Variants in ZNF608 observed in about 807,000 individuals in gnomAD.
ZNF608 encodes the protein zinc finger protein 608.
In ZNF608, 12 loss-of-function variants were observed where a neutral mutation model predicts 109.0. The observed-to-expected ratio is 0.11, with a 90% CI of 0.07 to 0.18. ZNF608 has a LOEUF of 0.18. Ranked by LOEUF, ZNF608 falls within the 10% of genes least tolerant of loss-of-function variation. ZNF608 has a pLI of 1.00. For synonymous variants in ZNF608, 732 were observed against 717.4 expected (o/e 1.02, Z -0.33); for missense variants, 1,707 against 1,879.3 (o/e 0.91, Z 1.70).
intron 2 of ZNF608, among the ~76,000 whole-genome samples, chr5:124,702,723 A>G (rs1477213666): frequency 1.3e-5 from 2 of 152,198 alleles, no homozygotes; most frequent in Non-Finnish European, 2.9e-5. Context: ...ACCCATCTGC[A>G]TGTTAAAAAA....
At chr5:124,721,975 ACTCAAAGCC>A (rs1554091852) in intron 2 of ZNF608, among the ~76,000 whole-genome samples, 1 of 142,148 alleles carries the variant, frequency 7.0e-6, no homozygotes. Flanking sequence ...AAAAAAAAGA[ACTCAAAGCC>A]AAATCATCAA....
At chr5:124,642,986 C>A (rs1021686976) in intron 7 of ZNF608, among the ~76,000 whole-genome samples, 3 of 152,084 alleles carry the variant, frequency 2.0e-5, no homozygotes, top group African/African-American at 7.2e-5. Flanking sequence ...CAGTGGCTCA[C>A]TCCCGGCCCA....
At chr5:124,682,375 C>G (rs1752234093) in intron 3 of ZNF608, among the ~76,000 whole-genome samples, 2 of 152,170 alleles carry the variant, frequency 1.3e-5, no homozygotes, top group African/African-American at 2.4e-5. Flanking sequence ...GCCCGGCCTA[C>G]CATGAATCCT....
chr5:124,675,697 T>G (rs1035071228), intron 3 of ZNF608, among the ~76,000 whole-genome samples: 3 of 152,188 alleles, frequency 2.0e-5, no homozygotes, highest in African/African-American at 7.2e-5. Flanking sequence ...AGAAATACCC[T>G]TAATCTATCT....
chr5:124,659,283 C>T (rs1366331483), intron 3 of ZNF608, among the ~76,000 whole-genome samples: 1 of 152,036 alleles, frequency 6.6e-6, no homozygotes, highest in Non-Finnish European at 1.5e-5. Context: ...GCAAAAACTC[C>T]CCCTCCATGC....
At chr5:124,747,052 A>G (rs1319768641), upstream of ZNF608, among the ~76,000 whole-genome samples, 1 of 152,100 alleles carries the variant, frequency 6.6e-6, no homozygotes, top group Non-Finnish European at 1.5e-5. Context: ...TGTTGTTTTA[A>G]GAAAAAGGAA....
In ZNF608 at chr5:124,644,665, AT is replaced by A. The variant is rs764365928; in HGVS notation, c.3706-5del. The A allele has an allele frequency of 2.0e-6, 3 of 1,530,526 alleles. No individual in the cohort carries two copies. The highest frequency in any genetic ancestry group is 2.2e-5 in the Admixed American group (1 of 44,764). 94.8% of individuals were successfully genotyped at this position (1,530,526 alleles called of 1,614,324 possible). On this transcript the variant is annotated splice_region_variant and splice_polypyrimidine_tract_variant and intron_variant, in intron 5 of 9. Coordinates refer to ENST00000513986, the MANE Select transcript of ZNF608 (RefSeq NM_020747.3). ...GCCATGTTCTTGAATCTGGGTCCTGATTTTTTTGTTTTAAAGAAAAAAAACC... is the reference window on the plus strand; with the variant it reads ...GCCATGTTCTTGAATCTGGGTCCTGATTTTTTGTTTTAAAGAAAAAAAACC...
intron 2 of ZNF608, chr5:124,707,723 A>G (rs1753317652): frequency 6.6e-6 from 1 of 152,138 alleles, no homozygotes; most frequent in African/African-American, 2.4e-5. Flanking sequence ...TTGCATTTTA[A>G]CCACCCTTTT....
At chr5:124,714,747 A>G (rs910298640) in intron 2 of ZNF608, among the ~76,000 whole-genome samples, 1 of 152,234 alleles carries the variant, frequency 6.6e-6, no homozygotes, top group African/African-American at 2.4e-5. Context: ...AATCTCAGTA[A>G]CACATGTTCA....
intron 2 of ZNF608, among the ~76,000 whole-genome samples, chr5:124,728,240 T>C (rs1298764831): frequency 6.6e-6 from 1 of 152,168 alleles, no homozygotes; most frequent in African/African-American, 2.4e-5. Context: ...TGAGGTGCTA[T>C]CTTAAAATCA....
intron 3 of ZNF608, among the ~76,000 whole-genome samples, chr5:124,685,899 G>C (rs1421866777): frequency 1.3e-5 from 2 of 152,200 alleles, no homozygotes; most frequent in Admixed American, 6.5e-5. Flanking sequence ...AGAAAATATA[G>C]ATGGTGATGC....
intron 2 of ZNF608, among the ~76,000 whole-genome samples, chr5:124,733,788 CA>C (rs1189871299): frequency 3.3e-5 from 5 of 152,060 alleles, no homozygotes. Flanking sequence ...GGAAGCAATA[CA>C]AAGAGCACTC....
At chr5:124,717,299 C>G (rs1254193873) in intron 2 of ZNF608, among the ~76,000 whole-genome samples, 1 of 151,666 alleles carries the variant, frequency 6.6e-6, no homozygotes, top group South Asian at 2.1e-4. Context: ...AACCCTGTCT[C>G]TACTAAAAAT....
At position 124,637,193 on chromosome 5, in the gene ZNF608, A is replaced by C. The variant is rs1345590625; in HGVS notation, c.*707T>G. ...TTATTTGCCATTCAAGATTATCAAA[A>C]AATGACACCTCATTATTCACAGATG... On this transcript the variant is annotated 3_prime_UTR_variant, in exon 10 of 10. Coordinates refer to ENST00000513986, the MANE Select transcript of ZNF608 (RefSeq NM_020747.3). 1 of 152,636 alleles carries C rather than the reference A, an allele frequency of 6.6e-6. No individual in the cohort carries two copies. The highest frequency in any genetic ancestry group is 2.4e-5 in the African/African-American group (1 of 41,454). The allele number at this position is 152,636 out of a possible 1,614,324, so 9.5% of individuals were successfully genotyped here.
Position 124,648,085 on chromosome 5 carries a change from C to T in ZNF608, c.2299G>A (p.Gly767Arg), listed in dbSNP as rs138191554. 1,354 of 1,449,554 alleles carry T rather than the reference C, an allele frequency of 9.3e-4. 3 individuals carry two copies. Among genetic ancestry groups the T allele is most frequent in the South Asian group, 1.5e-3 (132 of 88,930 alleles). The allele number at this position is 1,449,554 out of a possible 1,614,324, so 89.8% of individuals were successfully genotyped here. ...ACAGTTGTTGTGAGGGAGGGCAGTC[C>T]GGGTATTGTCCCAGTGGTGGTCGTT... Reference protein sequence around the residue: ...FTTTTTGTIPGLPSLTTTVVQ... With the variant: ...FTTTTTGTIPRLPSLTTTVVQ... Residue 767 changes from glycine (G) to arginine (R), a missense_variant, in exon 5 of 10, where the codon GGA becomes AGA. By Grantham distance (125) the Gly-to-Arg change is moderately radical. Coordinates refer to ENST00000513986, the MANE Select transcript of ZNF608 (RefSeq NM_020747.3).
intron 3 of ZNF608, among the ~76,000 whole-genome samples, chr5:124,677,981 A>G (rs181293340): frequency 6.6e-6 from 1 of 152,234 alleles, no homozygotes; most frequent in East Asian, 1.9e-4. Context: ...ATTAGCCCCA[A>G]TATATGGTAA....
At chr5:124,663,931 G>A (rs1448242596) in intron 3 of ZNF608, among the ~76,000 whole-genome samples, 1 of 152,134 alleles carries the variant, frequency 6.6e-6, no homozygotes, top group Non-Finnish European at 1.5e-5. Flanking sequence ...ATTAGATCAA[G>A]GAAACCTAAA....
chr5:124,699,056 G>C (rs1309383016), intron 3 of ZNF608, among the ~76,000 whole-genome samples: 1 of 152,232 alleles, frequency 6.6e-6, no homozygotes, highest in Non-Finnish European at 1.5e-5. Context: ...AATTATCCAA[G>C]TACAAAAAAA....
At chr5:124,745,334 C>G in intron 1 of ZNF608, 162 bp from the exon 2 acceptor site, 1 of 406,840 alleles carries the variant, frequency 2.5e-6, no homozygotes, top group Non-Finnish European at 3.5e-6. Context: ...AGGAAAATAA[C>G]CAAACCCGAA....
Sources: gnomAD v4.1 joint callset for allele counts (sites outside exome capture counted in the v4.1 genomes callset) on GRCh38, gnomAD v4.1.1 for gene constraint, MANE v1.5 for transcripts, NCBI Gene and HGNC (gene_info 2026-07-23, HGNC 2026-07-21) for gene names.